Variants in TMEM178A observed in about 807,000 individuals in gnomAD.
TMEM178A encodes transmembrane protein 178A, also known as transmembrane protein 178.
Under a neutral mutation model 29.1 loss-of-function variants are expected in TMEM178A, and 12 were observed. That is an observed-to-expected ratio of 0.41 (90% CI 0.26 to 0.67). TMEM178A has a LOEUF of 0.67. Among genes scored for constraint, TMEM178A ranks in the 30% least tolerant of loss-of-function variants. The pLI, the probability that TMEM178A is intolerant of heterozygous loss-of-function variation, is 0.29. For synonymous variants in TMEM178A, 210 were observed against 187.2 expected, an observed-to-expected ratio of 1.12 and a Z score of -0.99; for missense variants, 366 against 419.1, an observed-to-expected ratio of 0.87 and a Z score of 1.11.
At position 39,704,260 on chromosome 2, in the gene TMEM178A, C is replaced by A. The variant is rs903038635; in HGVS notation, c.514+66C>A. ...ATTCTGAACAAAATTCCCACCACCC[C>A]TCTCACATCTGGACAGAAGGATGTT... On this transcript the variant is annotated intron_variant, in intron 2 of 3. Coordinates refer to ENST00000281961, the MANE Select transcript of TMEM178A (RefSeq NM_152390.3). The A allele has an allele frequency of 2.3e-6, 3 of 1,322,496 alleles. No individual in the cohort carries two copies. In the African/African-American group the frequency reaches 4.3e-5, roughly 19 times the overall value. The allele number at this position is 1,322,496 out of a possible 1,614,324, so 81.9% of individuals were successfully genotyped here. A position where few individuals can be genotyped will look rare whatever the true frequency, so the allele number is the denominator to read the frequency against.
At chr2:39,730,230 A>G in the TMEM178A span, among the ~76,000 whole-genome samples, 4 of 152,086 alleles carry the variant, frequency 2.6e-5, no homozygotes, top group African/African-American at 9.7e-5. Flanking sequence ...ATGATTTTGA[A>G]AGGAGGAGGG....
At chr2:39,683,438 C>T (rs1372756662) in intron 1 of TMEM178A, among the ~76,000 whole-genome samples, 1 of 152,160 alleles carries the variant, frequency 6.6e-6, no homozygotes, top group Non-Finnish European at 1.5e-5. Context: ...ATTTTCTGGG[C>T]AGTCACGGAA....
At chr2:39,700,095 C>T (rs915035199) in intron 1 of TMEM178A, among the ~76,000 whole-genome samples, 5 of 152,052 alleles carry the variant, frequency 3.3e-5, no homozygotes, top group Non-Finnish European at 7.4e-5. Context: ...ATACTATGTG[C>T]ACTTGAGAAG....
chr2:39,710,270 G>T (rs1404897877), intron 3 of TMEM178A, among the ~76,000 whole-genome samples: 1 of 152,222 alleles, frequency 6.6e-6, no homozygotes, highest in African/African-American at 2.4e-5. Context: ...AGGACTAACA[G>T]ATACAACCTA....
rs1670844192 is a variant in TMEM178A, at chr2:39,680,929, G to GTTATTATTATTATTATTATTATT, written c.400+14555_400+14556insTTATTATTATTATTATTATTATT. On this transcript the variant is annotated intron_variant, in intron 1 of 3. Transcript: ENST00000281961. ...TTAATAATTCTGTGTTAAATACCTG[G>GTTATTATTATTATTATTATTATT]AAGTTATACTTAATCACTTTAATTT... is the stretch of plus-strand genomic sequence containing the variant. 2.6e-5 allele frequency among the ~76,000 whole-genome samples: 4 copies of GTTATTATTATTATTATTATTATT among 152,046 alleles called. No individual in the cohort carries two copies. In the South Asian group the frequency reaches 8.3e-4, roughly 31 times the overall value.
intron 1 of TMEM178A, among the ~76,000 whole-genome samples, chr2:39,703,704 C>T (rs1419707881): frequency 6.6e-6 from 1 of 152,140 alleles, no homozygotes; most frequent in Admixed American, 6.5e-5. Flanking sequence ...CTTCATGAGG[C>T]TACCCTTGAG....
the TMEM178A span, among the ~76,000 whole-genome samples, chr2:39,728,486 C>T: frequency 4.6e-5 from 7 of 152,150 alleles, no homozygotes; most frequent in Non-Finnish European, 1.0e-4. Flanking sequence ...TTCTGGGCCA[C>T]ACTCTGTACC....
At chr2:39,716,403 A>C (rs867654468) in intron 3 of TMEM178A, among the ~76,000 whole-genome samples, 15 of 152,188 alleles carry the variant, frequency 9.9e-5, no homozygotes, top group Non-Finnish European at 4.4e-5. Flanking sequence ...CTCCATTTTG[A>C]ATGGTTGAAA....
chr2:39,710,646 C>G (rs1403129184), intron 3 of TMEM178A, among the ~76,000 whole-genome samples: 1 of 152,102 alleles, frequency 6.6e-6, no homozygotes, highest in African/African-American at 2.4e-5. Flanking sequence ...CAATCTATTG[C>G]TTGAGATAAA....
intron 3 of TMEM178A, among the ~76,000 whole-genome samples, chr2:39,710,240 AGTTTG>A (rs1672246215): frequency 6.6e-6 from 1 of 152,238 alleles, no homozygotes; most frequent in African/African-American, 2.4e-5. Context: ...ATAAACTTGA[AGTTTG>A]ATGACCAGTT....
chr2:39,717,274 C>T lies in TMEM178A; in HGVS notation c.*23C>T, dbSNP rs1053178057. The T allele has an allele frequency of 3.1e-6, 5 of 1,610,290 alleles. No homozygotes were observed. The highest frequency in any genetic ancestry group is 1.7e-4 in the Middle Eastern group (1 of 5,756). On this transcript the variant is annotated 3_prime_UTR_variant, in exon 4 of 4. Transcript: ENST00000281961. ...TGACTGTCCTCACTGGGCCTGTCCACAGTGCGAGCGACTCCTGAGGGGAAC... is the reference window on the plus strand; with the variant it reads ...TGACTGTCCTCACTGGGCCTGTCCATAGTGCGAGCGACTCCTGAGGGGAAC...
the TMEM178A span, among the ~76,000 whole-genome samples, chr2:39,732,203 C>G: frequency 2.6e-5 from 4 of 152,140 alleles, no homozygotes; most frequent in Admixed American, 2.6e-4. Context: ...TGTCTTTCAC[C>G]CTGAGTGGGG....
the TMEM178A span, among the ~76,000 whole-genome samples, chr2:39,734,982 A>G: frequency 6.6e-6 from 1 of 152,176 alleles, no homozygotes; most frequent in African/African-American, 2.4e-5. Flanking sequence ...TGCCTGAATC[A>G]TTGCAAAAAA....
chr2:39,706,833 A>C (rs1374952765), intron 2 of TMEM178A, among the ~76,000 whole-genome samples: 2 of 152,222 alleles, frequency 1.3e-5, no homozygotes, highest in African/African-American at 4.8e-5. Context: ...CCACGGACTC[A>C]GAGACGGTAT....
chr2:39,692,326 C>G (rs1671349462), intron 1 of TMEM178A, among the ~76,000 whole-genome samples: 1 of 152,154 alleles, frequency 6.6e-6, no homozygotes, highest in South Asian at 2.1e-4. Flanking sequence ...AGTGTTCTCA[C>G]TACACACACC....
At chr2:39,680,318 G>A (rs549746732) in intron 1 of TMEM178A, among the ~76,000 whole-genome samples, 13 of 152,172 alleles carry the variant, frequency 8.5e-5, no homozygotes, top group Non-Finnish European at 1.8e-4. Context: ...CTAGAAGTGG[G>A]TAAGCATTAG....
chr2:39,732,971 T>A, the TMEM178A span, among the ~76,000 whole-genome samples: 1 of 152,340 alleles, frequency 6.6e-6, no homozygotes, highest in South Asian at 2.1e-4. Context: ...TGCCTTTGTT[T>A]ATTTCGGTAA....
chr2:39,686,025 A>T (rs1339538136), intron 1 of TMEM178A, among the ~76,000 whole-genome samples: 1 of 152,228 alleles, frequency 6.6e-6, no homozygotes, highest in African/African-American at 2.4e-5. Context: ...ACCCCTGCAC[A>T]TTCGTGCCTT....
At chr2:39,680,348 C>G (rs936612147) in intron 1 of TMEM178A, among the ~76,000 whole-genome samples, 1 of 152,150 alleles carries the variant, frequency 6.6e-6, no homozygotes, top group African/African-American at 2.4e-5. Flanking sequence ...AGTTTAAGGG[C>G]CTTTTTCGGT....
Sources: allele counts gnomAD v4.1 joint callset (sites outside exome capture counted in the v4.1 genomes callset), GRCh38; gene constraint gnomAD v4.1.1; transcripts MANE v1.5; gene names NCBI Gene and HGNC (gene_info 2026-07-23, HGNC 2026-07-21).